The following ROR2 variants were observed in gnomAD, a reference collection of about 807,000 sequenced individuals.
ROR2 encodes the protein ROR family WNT receptor 2, also known as tyrosine-protein kinase transmembrane receptor ROR2.
In ROR2, 33 loss-of-function variants were observed where a neutral mutation model predicts 74.9. That is an observed-to-expected ratio of 0.44 (90% CI 0.33 to 0.59). The LOEUF is 0.59. Among genes scored for constraint, ROR2 ranks in the 20% least tolerant of loss-of-function variants. ROR2 has a pLI of 0.02. For missense variants in ROR2, 1,216 were observed against 1,313.8 expected (o/e 0.93, Z 1.15); for synonymous variants, 586 against 558.7 (o/e 1.05, Z -0.69).
At chr9:91,730,794 G>A in intron 7 of ROR2, 116 bp downstream of exon 7, 7 of 1,348,646 alleles carry the variant, frequency 5.2e-6, no homozygotes, top group Non-Finnish European at 7.3e-6. Context: ...TAAGATCAGG[G>A]GTCTCTGGTC....
chr9:91,735,249 CACA>C (rs1242505028), intron 5 of ROR2, among the ~76,000 whole-genome samples: 1 of 152,240 alleles, frequency 6.6e-6, no homozygotes, highest in East Asian at 1.9e-4. Context: ...CTGAATGTCA[CACA>C]ACACTTTCCA....
chr9:91,730,251 T>G (rs778050741), intron 7 of ROR2, among the ~76,000 whole-genome samples: 12 of 151,980 alleles, frequency 7.9e-5, no homozygotes, highest in Non-Finnish European at 2.9e-5. Context: ...GAGATAATGT[T>G]AATGGAGAAA....
At chr9:91,861,986 G>A (rs1027521046) in intron 1 of ROR2, among the ~76,000 whole-genome samples, 1 of 152,148 alleles carries the variant, frequency 6.6e-6, no homozygotes, top group African/African-American at 2.4e-5. Flanking sequence ...TTTAGATGAG[G>A]CCCTAAGGGT....
intron 2 of ROR2, among the ~76,000 whole-genome samples, chr9:91,763,104 T>C (rs1448895662): frequency 6.6e-6 from 1 of 152,162 alleles, no homozygotes; most frequent in African/African-American, 2.4e-5. Flanking sequence ...TTCTCACTTA[T>C]AAGTGGGAAT....
intron 1 of ROR2, among the ~76,000 whole-genome samples, chr9:91,808,928 G>A (rs943914054): frequency 9.3e-4 from 141 of 151,840 alleles, no homozygotes; most frequent in Admixed American, 2.7e-3. Flanking sequence ...GCATGAACCC[G>A]GGAGGCGGAG....
chr9:91,773,130 T>C (rs12238428), intron 2 of ROR2, among the ~76,000 whole-genome samples: 15,144 of 152,138 alleles, frequency 0.1, 1,059 homozygotes, highest in East Asian at 0.26. Context: ...CCTGCAGCCC[T>C]CTGCTCCAGA....
chr9:91,943,623 G>T (rs562891347), intron 1 of ROR2, among the ~76,000 whole-genome samples: 19 of 152,238 alleles, frequency 1.2e-4, no homozygotes, highest in Non-Finnish European at 1.0e-4. Flanking sequence ...AACCTACTAA[G>T]AAGGGTGCCA....
intron 2 of ROR2, among the ~76,000 whole-genome samples, chr9:91,758,707 G>A (rs1825829784): frequency 6.6e-6 from 1 of 152,214 alleles, no homozygotes; most frequent in African/African-American, 2.4e-5. Flanking sequence ...GCCACAGGCA[G>A]GAGCTCTAGG....
chr9:91,857,836 A>T (rs1393247167), intron 1 of ROR2, among the ~76,000 whole-genome samples: 1 of 152,196 alleles, frequency 6.6e-6, no homozygotes. Flanking sequence ...CATTGAACGG[A>T]GTATTTAGCG....
chr9:91,896,481 G>A (rs1346008508), intron 1 of ROR2, among the ~76,000 whole-genome samples: 1 of 152,050 alleles, frequency 6.6e-6, no homozygotes, highest in Admixed American at 6.5e-5. Context: ...CACCATATCC[G>A]GATTTTGCGC....
chr9:91,750,550 C>T (rs143520960), intron 4 of ROR2, among the ~76,000 whole-genome samples: 15 of 152,274 alleles, frequency 9.9e-5, no homozygotes, highest in Non-Finnish European at 1.9e-4. Flanking sequence ...CGCCTGGGAG[C>T]CATTTACAAC....
At chr9:91,837,534 C>A (rs545906062) in intron 1 of ROR2, among the ~76,000 whole-genome samples, 3 of 152,130 alleles carry the variant, frequency 2.0e-5, no homozygotes, top group Admixed American at 1.3e-4. Flanking sequence ...TAAAACAATC[C>A]CCCTGCTCTT....
At chr9:91,849,627 T>G (rs1829035042) in intron 1 of ROR2, among the ~76,000 whole-genome samples, 1 of 152,264 alleles carries the variant, frequency 6.6e-6, no homozygotes, top group African/African-American at 2.4e-5. Flanking sequence ...TGCCCTTTAT[T>G]GTGTTTCATT....
At chr9:91,774,675 A>T (rs140007293) in intron 2 of ROR2, among the ~76,000 whole-genome samples, 1 of 152,298 alleles carries the variant, frequency 6.6e-6, no homozygotes, top group Non-Finnish European at 1.5e-5. Context: ...TCCCCAATGG[A>T]CTAAAATTTG....
chr9:91,872,767 T>C (rs1349442775), intron 1 of ROR2, among the ~76,000 whole-genome samples: 2 of 152,164 alleles, frequency 1.3e-5, no homozygotes, highest in African/African-American at 2.4e-5. Context: ...GAGGAAGGCA[T>C]GGCTCATGGC....
intron 1 of ROR2, among the ~76,000 whole-genome samples, chr9:91,909,513 ATTTT>A (rs36122642): frequency 2.2e-5 from 3 of 136,296 alleles, no homozygotes; most frequent in African/African-American, 2.7e-5. Flanking sequence ...CATCCAACTA[ATTTT>A]TTTTTTTTTT....
intron 1 of ROR2, among the ~76,000 whole-genome samples, chr9:91,829,737 A>G (rs1828404743): frequency 6.6e-6 from 1 of 152,224 alleles, no homozygotes; most frequent in Non-Finnish European, 1.5e-5. Flanking sequence ...TCCTACGGAT[A>G]TAACCAAGAT....
At position 91,740,539 on chromosome 9, in the gene ROR2, A is replaced by G. The variant is rs560780243; in HGVS notation, c.495-3021T>C. On this transcript the variant is annotated intron_variant, in intron 4 of 8. Transcript: ENST00000375708. ...TGCACTCCAGCCTGGGTGACAAAGC[A>G]AGACTCTGTTTCGGGCGGGGGGGGG... Among the ~76,000 whole-genome samples the G allele has an allele frequency of 3.3e-4, 50 of 149,398 alleles. 1 individual carries two copies. In the East Asian group the frequency reaches 9.6e-3, roughly 29 times the overall value.
intron 1 of ROR2, among the ~76,000 whole-genome samples, chr9:91,802,949 A>G (rs1334727073): frequency 6.6e-6 from 1 of 152,180 alleles, no homozygotes; most frequent in Non-Finnish European, 1.5e-5. Context: ...GATGCTCAAC[A>G]TCGTTAGCCG....
Sources: allele counts gnomAD v4.1 joint callset (sites outside exome capture counted in the v4.1 genomes callset), GRCh38; gene constraint gnomAD v4.1.1; transcripts MANE v1.5; gene names NCBI Gene and HGNC (gene_info 2026-07-23, HGNC 2026-07-21).